The following EPHA7 variants were observed in gnomAD, a reference collection of about 807,000 sequenced individuals.
The protein encoded by EPHA7 is EPH receptor A7, also known as ephrin type-A receptor 7.
EPHA7 carries 25 observed loss-of-function variants against 112.6 expected under a neutral mutation model. That is an observed-to-expected ratio of 0.22 (90% CI 0.16 to 0.31). The LOEUF is 0.31. Ranked by LOEUF, EPHA7 falls within the 10% of genes least tolerant of loss-of-function variation. The probability of loss-of-function intolerance (pLI) is 1.00; values close to 1 mark genes in which losing one functional copy is unlikely to be tolerated. For missense variants in EPHA7, 962 were observed against 1,212.6 expected (o/e 0.79, Z 3.07); for synonymous variants, 437 against 406.5 (o/e 1.07, Z -0.90).
chr6:93,419,367 G>A lies in EPHA7; in HGVS notation c.-26C>T, dbSNP rs200543054. ...GGTGCATGAGCAGGTTTTATTTTAGGTTTCAGTTATCTTGAGTCGTGGATT... is the reference window on the plus strand; with the variant it reads ...GGTGCATGAGCAGGTTTTATTTTAGATTTCAGTTATCTTGAGTCGTGGATT... On this transcript the variant is annotated 5_prime_UTR_variant, in exon 1 of 17. Transcript: ENST00000369303. 3 of 1,580,300 alleles carry A rather than the reference G, an allele frequency of 1.9e-6. No individual in the cohort carries two copies. Among genetic ancestry groups the A allele is most frequent in the Non-Finnish European group, 8.7e-7 (1 of 1,151,088 alleles).
At chr6:93,389,718 C>T (rs1777808225) in intron 3 of EPHA7, among the ~76,000 whole-genome samples, 1 of 151,908 alleles carries the variant, frequency 6.6e-6, no homozygotes, top group South Asian at 2.1e-4. Context: ...TACTTAATTT[C>T]ACCCTTCTTC....
intron 3 of EPHA7, among the ~76,000 whole-genome samples, chr6:93,397,164 C>T (rs2127986384): frequency 6.6e-6 from 1 of 151,640 alleles, no homozygotes; most frequent in East Asian, 1.9e-4. Flanking sequence ...TAAAAAAATA[C>T]AATACCAACA....
In EPHA7 at chr6:93,255,953, C is replaced by G. The variant is rs1392330402; in HGVS notation, c.2257G>C (p.Gly753Arg). ...GCTGCAAGGTCCCTGTGAACATATC[C>G]CATATCAGCCAAATATCTCATTCCA... ...AAGMRYLADM[G>R]YVHRDLAARN... The change falls in exon 13 of 17, where the codon GGA becomes CGA. Residue 753 changes from glycine to arginine, a missense_variant. Gly to Arg is a moderately radical substitution (Grantham distance 125). Transcript: ENST00000369303. 2 of 1,613,856 alleles carry G rather than the reference C, an allele frequency of 1.2e-6. No individual in the cohort carries two copies. Among genetic ancestry groups the G allele is most frequent in the Non-Finnish European group, 1.7e-6 (2 of 1,179,994 alleles).
At chr6:93,284,392 G>A (rs1371382998) in intron 5 of EPHA7, among the ~76,000 whole-genome samples, 1 of 151,044 alleles carries the variant, frequency 6.6e-6, no homozygotes, top group Non-Finnish European at 1.5e-5. Context: ...ATCCTACAAG[G>A]GGAAGAAGAA....
At chr6:93,324,720 C>T (rs545551533) in intron 5 of EPHA7, among the ~76,000 whole-genome samples, 1 of 151,360 alleles carries the variant, frequency 6.6e-6, no homozygotes. Context: ...ATCAAGGGTG[C>T]CTTCAACACG....
rs79956896 is a variant in EPHA7 at position 93,389,556 on chromosome 6, C to G, written c.832+20945G>C. 2.0e-3 allele frequency among the ~76,000 whole-genome samples: 310 copies of G among 152,016 alleles called. 1 individual carries two copies. The highest frequency in any genetic ancestry group is 3.4e-3 in the Middle Eastern group (1 of 292). On this transcript the variant is annotated intron_variant, in intron 3 of 16. Coordinates refer to ENST00000369303, the MANE Select transcript of EPHA7 (RefSeq NM_004440.4). ...CAAAAAGTCTCCTGAAAATGGAATA[C>G]TTATTTACGCATTACAAAAGATGCA...
At chr6:93,254,874 T>C (rs558408009) in intron 13 of EPHA7, 78 bp from the exon 14 acceptor site, 9 of 1,243,106 alleles carry the variant, frequency 7.2e-6, no homozygotes, top group African/African-American at 3.0e-5. Flanking sequence ...TAAATACATA[T>C]GTGCATTTTT....
At chr6:93,328,218 C>T (rs1582528709) in intron 5 of EPHA7, among the ~76,000 whole-genome samples, 1 of 151,582 alleles carries the variant, frequency 6.6e-6, no homozygotes, top group East Asian at 1.9e-4. Flanking sequence ...ACTGTAATCC[C>T]TTGACACTCC....
At chr6:93,360,895 G>A (rs545666294) in intron 3 of EPHA7, among the ~76,000 whole-genome samples, 25 of 152,182 alleles carry the variant, frequency 1.6e-4, no homozygotes, top group African/African-American at 5.3e-4. Flanking sequence ...ATCATTTACT[G>A]TTAAAAGAGC....
chr6:93,419,188 G>A, intron 1 of EPHA7, 57 bp downstream of exon 1: 1 of 1,453,796 alleles, frequency 6.9e-7, no homozygotes, highest in Non-Finnish European at 9.5e-7. Context: ...GCTGGCTTGT[G>A]CAGGTAGACA....
At chr6:93,304,520 G>C (rs1197302587) in intron 5 of EPHA7, among the ~76,000 whole-genome samples, 2 of 151,994 alleles carry the variant, frequency 1.3e-5, no homozygotes, top group African/African-American at 4.8e-5. Flanking sequence ...AATATAAAAA[G>C]ATTGATTATA....
chr6:93,406,555 T>C (rs1379997200), intron 3 of EPHA7, among the ~76,000 whole-genome samples: 3 of 151,878 alleles, frequency 2.0e-5, no homozygotes, highest in Non-Finnish European at 4.4e-5. Flanking sequence ...TGAATTCTTA[T>C]CCAATTTTGT....
In EPHA7 at chr6:93,410,556, G is replaced by A. The variant is rs760545269; in HGVS notation, c.777C>T (p.Pro259=). 1 of 1,613,926 alleles carries A rather than the reference G, an allele frequency of 6.2e-7. No homozygotes were observed. Among genetic ancestry groups the A allele is most frequent in the South Asian group, 1.1e-5 (1 of 91,066 alleles). ...CTGCTTTGCAGATACATTTTCCAAT[G>A]GGCACTAACCATTCTCCTTCTGCAC... The part of the protein sequence containing the change: ...HCSAEGEWLV[P]IGKCICKAGY... The change falls in exon 3 of 17, where the codon CCC becomes CCT. Residue 259 remains proline (P), a synonymous_variant. Coordinates refer to ENST00000369303, the MANE Select transcript of EPHA7 (RefSeq NM_004440.4). This position sits in a 1 kb window ranked among gnomAD's most constrained non-coding sequence, Gnocchi z 4.0.
chr6:93,247,100 A>C, intron 14 of EPHA7, 115 bp from the exon 15 acceptor site: 1 of 947,662 alleles, frequency 1.1e-6, no homozygotes, highest in Non-Finnish European at 1.5e-6. Flanking sequence ...AATGCTTCAC[A>C]AAAGACTTAC....
chr6:93,381,756 C>A (rs1342182401), intron 3 of EPHA7, among the ~76,000 whole-genome samples: 1 of 149,976 alleles, frequency 6.7e-6, no homozygotes, highest in Non-Finnish European at 1.5e-5. Flanking sequence ...TACCTGTGAT[C>A]CTCTCATCCC....
intron 5 of EPHA7, among the ~76,000 whole-genome samples, chr6:93,296,654 C>A (rs1043146879): frequency 6.6e-6 from 1 of 151,096 alleles, no homozygotes; most frequent in East Asian, 1.9e-4. Flanking sequence ...GTCAAATAAA[C>A]AGAGATAGAG....
At chr6:93,373,662 G>C (rs941056895) in intron 3 of EPHA7, among the ~76,000 whole-genome samples, 3 of 151,924 alleles carry the variant, frequency 2.0e-5, no homozygotes, top group African/African-American at 7.2e-5. Context: ...ATCAAGATTA[G>C]TAGTATTTTT....
chr6:93,259,221 C>T (rs1770577628), intron 10 of EPHA7, 133 bp downstream of exon 10: 1 of 1,034,408 alleles, frequency 9.7e-7, no homozygotes, highest in African/African-American at 1.6e-5. Flanking sequence ...AGTACAGCCT[C>T]ACTGCTTCCA....
At chr6:93,353,734 C>T (rs139706136) in intron 5 of EPHA7, among the ~76,000 whole-genome samples, 1 of 151,996 alleles carries the variant, frequency 6.6e-6, no homozygotes, top group Admixed American at 6.6e-5. Flanking sequence ...ATTTTATCCC[C>T]ATTTTTTTTT....
Sources: allele counts gnomAD v4.1 joint callset (sites outside exome capture counted in the v4.1 genomes callset), GRCh38; gene constraint gnomAD v4.1.1; non-coding constraint Gnocchi (gnomAD v3.1); transcripts MANE v1.5; gene names NCBI Gene and HGNC (gene_info 2026-07-23, HGNC 2026-07-21).